Variants in ZNF500 observed in about 807,000 individuals in gnomAD.
ZNF500 encodes the protein zinc finger protein with KRAB and SCAN domains 18.
Under a neutral mutation model 30.1 loss-of-function variants are expected in ZNF500, and 31 were observed. The ratio of observed to expected loss-of-function variants is 1.03; its 90% CI spans 0.77 to 1.39. The LOEUF (loss-of-function observed/expected upper bound fraction) is 1.39, where lower values mean the gene tolerates loss of function less well. ZNF500 is among the 40% of genes most tolerant of loss of function. ZNF500 has a pLI of 0.00. For synonymous variants in ZNF500, 392 were observed against 282.0 expected (o/e 1.39, Z -3.91); for missense variants, 817 against 657.8 (o/e 1.24, Z -2.65).
downstream of ZNF500, chr16:4,746,738 A>C: frequency 2.6e-6 from 2 of 759,902 alleles, no homozygotes; most frequent in Middle Eastern, 3.7e-4. Flanking sequence ...AATAGAGCCC[A>C]ACACGTCTAG....
At position 4,765,607 on chromosome 16, in the gene ZNF500, A is replaced by G. The variant is rs4786549; in HGVS notation, c.372T>C (p.Leu124=). ...TGGGCTTCCGCTGCAGCCCTTCCAC[A>G]AGGACCACGGCCTCCTCACCGCTCT... ...QPESGEEAVV[L]VEGLQRKPRK... is the part of the protein sequence containing the mutation. The change falls in exon 2 of 6, where the codon CTT becomes CTC. Residue 124 remains leucine, a synonymous_variant. Coordinates refer to ENST00000219478, the MANE Select transcript of ZNF500 (RefSeq NM_021646.4). 0.99 allele frequency: 1,593,664 copies of G among 1,610,876 alleles called. 789,681 individuals carry two copies. Among genetic ancestry groups the G allele is most frequent in the East Asian group, 1 (44,813 of 44,816 alleles).
rs1261127185 is a variant in ZNF500 at position 4,751,778 on chromosome 16, C to T, written c.*598G>A. On this transcript the variant is annotated 3_prime_UTR_variant, in exon 6 of 6. Transcript: ENST00000219478. ...AAAAAAGAGACTGGGCATGGCGGCA[C>T]ACACCTGTAACCCCAGCTACTCAGG... The T allele has an allele frequency of 1.2e-6, 1 of 806,858 alleles. No individual in the cohort carries two copies. Among genetic ancestry groups the T allele is most frequent in the African/African-American group, 1.7e-5 (1 of 58,854 alleles). 50.0% of individuals were successfully genotyped at this position (806,858 alleles called of 1,614,324 possible). A position where few individuals can be genotyped will look rare whatever the true frequency, so the allele number is the denominator to read the frequency against.
Position 4,752,003 on chromosome 16 carries a change from G to C in ZNF500, c.*373C>G, listed in dbSNP as rs2082084144. ...GAGAGGGGTTGGGACGTGGGGATGAGGCTGTATGCCAGCAGCCACTGGATG... is the reference window on the plus strand; with the variant it reads ...GAGAGGGGTTGGGACGTGGGGATGACGCTGTATGCCAGCAGCCACTGGATG... On this transcript the variant is annotated 3_prime_UTR_variant, in exon 6 of 6. Transcript: ENST00000219478. 1.5e-5 allele frequency: 17 copies of C among 1,108,584 alleles called. No individual in the cohort carries two copies. The South Asian group carries it at 3.6e-4, about 23-fold the overall frequency. 68.7% of individuals were successfully genotyped at this position (1,108,584 alleles called of 1,614,324 possible). A position where few individuals can be genotyped will look rare whatever the true frequency, so the allele number is the denominator to read the frequency against.
In ZNF500 at chr16:4,762,663, G is replaced by C. The variant is rs1166926505; in HGVS notation, c.508C>G (p.Leu170Val). The C allele has an allele frequency of 3.7e-6, 6 of 1,614,028 alleles. No individual in the cohort carries two copies. Among genetic ancestry groups the C allele is most frequent in the Non-Finnish European group, 5.1e-6 (6 of 1,180,020 alleles). The change falls in exon 3 of 6, where the codon CTG (leucine) becomes GTG (valine). Residue 170 changes from leucine to valine, a missense_variant. Transcript: ENST00000219478. ...CTGGAGAATCGAGCCTCTTCCTCCAGGGACAGATCCTCTGGCTGAGCCTCT... is the reference window on the plus strand; with the variant it reads ...CTGGAGAATCGAGCCTCTTCCTCCACGGACAGATCCTCTGGCTGAGCCTCT... ...QAEAQPEDLS[L>V]EEEARFSSQQ... is the part of the protein sequence containing the mutation.
downstream of ZNF500, chr16:4,746,555 A>G (rs770668493): frequency 1.8e-5 from 29 of 1,588,702 alleles, no homozygotes; most frequent in South Asian, 3.3e-4. Context: ...TCTACTTTGC[A>G]GAGTTGCCTG....
At chr16:4,760,887 A>G (rs2082191122) in intron 4 of ZNF500, among the ~76,000 whole-genome samples, 1 of 152,120 alleles carries the variant, frequency 6.6e-6, no homozygotes, top group African/African-American at 2.4e-5. Flanking sequence ...GGGAGACAAG[A>G]GCATCCCCTG....
downstream of ZNF500, chr16:4,745,102 C>T (rs571113186): frequency 2.1e-6 from 3 of 1,452,402 alleles, no homozygotes; most frequent in African/African-American, 1.4e-5. Flanking sequence ...GGGCGGGGCA[C>T]TCCATGTGCA....
At chr16:4,755,485 T>A (rs1005413266) in intron 5 of ZNF500, among the ~76,000 whole-genome samples, 1 of 151,932 alleles carries the variant, frequency 6.6e-6, no homozygotes, top group African/African-American at 2.4e-5. Flanking sequence ...CCCAGCCAAT[T>A]TTTGTATTTT....
intron 5 of ZNF500, among the ~76,000 whole-genome samples, chr16:4,758,084 G>A (rs1209731544): frequency 6.6e-6 from 1 of 151,834 alleles, no homozygotes; most frequent in Non-Finnish European, 1.5e-5. Flanking sequence ...TTTTAATAGA[G>A]ACAGGGTTTC....
intron 5 of ZNF500, among the ~76,000 whole-genome samples, chr16:4,755,185 G>T (rs1320577519): frequency 6.6e-6 from 1 of 152,160 alleles, no homozygotes; most frequent in Admixed American, 6.5e-5. Flanking sequence ...CTAATACACA[G>T]GGCCTCACTA....
chr16:4,755,733 T>C lies in ZNF500; in HGVS notation c.761-2675A>G, dbSNP rs540888574. Among the ~76,000 whole-genome samples the C allele has an allele frequency of 4.6e-5, 7 of 152,250 alleles. No homozygotes were observed. In the East Asian group the frequency reaches 9.6e-4, roughly 21 times the overall value. On this transcript the variant is annotated intron_variant, in intron 5 of 5. Transcript: ENST00000219478. ...CACACCCAAGAAAACTGAAAACATGTCCTCAAACAGAAATGTGTACATAAA... is the reference window on the plus strand; with the variant it reads ...CACACCCAAGAAAACTGAAAACATGCCCTCAAACAGAAATGTGTACATAAA...
At position 4,766,038 on chromosome 16, in the gene ZNF500, C is replaced by T. The variant is rs2082262425; in HGVS notation, c.-60G>A. ...AGAGTTGAACCTGTCTCTCTCTATA[C>T]CTCTGGCCAGACACAGGAAGAGAGT... On this transcript the variant is annotated 5_prime_UTR_variant, in exon 2 of 6. Transcript: ENST00000219478. 1.3e-6 allele frequency: 2 copies of T among 1,496,134 alleles called. No individual in the cohort carries two copies. Among genetic ancestry groups the T allele is most frequent in the Non-Finnish European group, 1.8e-6 (2 of 1,128,864 alleles). The allele number at this position is 1,496,134 out of a possible 1,614,324, so 92.7% of individuals were successfully genotyped here.
At chr16:4,746,639 A>C, downstream of ZNF500, 9 of 1,276,340 alleles carry the variant, frequency 7.1e-6, no homozygotes, top group Non-Finnish European at 9.6e-6. Flanking sequence ...TCAATTCTCA[A>C]TTGAAAAGTG....
At chr16:4,754,317 A>G (rs1337513699) in intron 5 of ZNF500, among the ~76,000 whole-genome samples, 1 of 152,086 alleles carries the variant, frequency 6.6e-6, no homozygotes, top group Admixed American at 6.6e-5. Flanking sequence ...ACTTCCAGAT[A>G]GCCGAAGGTG....
downstream of ZNF500, chr16:4,747,098 C>A: frequency 7.2e-7 from 1 of 1,398,096 alleles, no homozygotes; most frequent in Non-Finnish European, 9.6e-7. Flanking sequence ...CTCCACCTGG[C>A]ACATTTACCG....
intron 5 of ZNF500, among the ~76,000 whole-genome samples, chr16:4,755,314 CTTAT>C (rs1370071910): frequency 6.6e-6 from 1 of 151,702 alleles, no homozygotes. Context: ...AATATTTTTA[CTTAT>C]TTATTTATTT....
chr16:4,765,846 T>C lies in ZNF500; in HGVS notation c.133A>G (p.Ser45Gly), dbSNP rs774328785. 8.1e-6 allele frequency: 13 copies of C among 1,613,668 alleles called. No homozygotes were observed. The East Asian group carries it at 2.0e-4, about 25-fold the overall frequency. ...AAGAGCTGGCGGAAAGTCTCAGGGC[T>C]GGGGTCCTCCGTCTCCACGGAGGGC... ...EEPSVETEDP[S>G]PETFRQLFRL... Residue 45 changes from serine (S) to glycine (G), a missense_variant, in exon 2 of 6, where the codon AGC (serine) becomes GGC (glycine). Ser to Gly is a moderately conservative substitution (Grantham distance 56). Coordinates refer to ENST00000219478, the MANE Select transcript of ZNF500 (RefSeq NM_021646.4).
Position 4,753,053 on chromosome 16 carries a change from C to G in ZNF500, c.766G>C (p.Gly256Arg). The change falls in exon 6 of 6, where the codon GGG becomes CGG. Residue 256 changes from glycine to arginine, a missense_variant. Transcript: ENST00000219478. ...RDAPLENEGPGIQLEDGGDGR... is the reference protein window; with the variant it reads ...RDAPLENEGPRIQLEDGGDGR... ...TCACCGCCGTCCTCCAACTGGATCC[C>G]AGGTCCTGAGACAGAGAAAGCACGA... 4 of 1,516,528 alleles carry G rather than the reference C, an allele frequency of 2.6e-6. No individual in the cohort carries two copies. In the South Asian group the frequency reaches 5.2e-5, roughly 20 times the overall value. The allele number at this position is 1,516,528 out of a possible 1,614,324, so 93.9% of individuals were successfully genotyped here.
Position 4,752,187 on chromosome 16 carries a change from C to G in ZNF500, c.*189G>C, listed in dbSNP as rs956013038. Reference sequence around the variant, plus strand: ...ACTGGACACTCAGAGCCTGTCCTTGCCCTTGTTCTGCACCCAGTGCCCAGC... The same window carrying G: ...ACTGGACACTCAGAGCCTGTCCTTGGCCTTGTTCTGCACCCAGTGCCCAGC... On this transcript the variant is annotated 3_prime_UTR_variant, in exon 6 of 6. Transcript: ENST00000219478. 1 of 1,414,708 alleles carries G rather than the reference C, an allele frequency of 7.1e-7. No individual in the cohort carries two copies. 87.6% of individuals were successfully genotyped at this position (1,414,708 alleles called of 1,614,324 possible).
Sources: gnomAD v4.1 joint callset for allele counts (sites outside exome capture counted in the v4.1 genomes callset) on GRCh38, gnomAD v4.1.1 for gene constraint, MANE v1.5 for transcripts, NCBI Gene and HGNC (gene_info 2026-07-23, HGNC 2026-07-21) for gene names.